The following KCNJ6 variants were observed in gnomAD, a reference collection of about 807,000 sequenced individuals.
The protein encoded by KCNJ6 is potassium inwardly rectifying channel subfamily J member 6, also known as G protein-activated inward rectifier potassium channel 2.
A neutral mutation model predicts 34.2 loss-of-function variants in KCNJ6; 9 were observed. The observed-to-expected ratio is 0.26, with a 90% CI of 0.16 to 0.46. KCNJ6 has a LOEUF of 0.46. KCNJ6 is among the 20% of genes least tolerant of loss of function. The probability of loss-of-function intolerance (pLI) is 1.00; values close to 1 mark genes in which losing one functional copy is unlikely to be tolerated. For missense variants in KCNJ6, 236 were observed against 531.3 expected (o/e 0.44, Z 5.46); for synonymous variants, 196 against 207.1 (o/e 0.95, Z 0.46).
At chr21:37,889,888 CT>C (rs1355951998) in intron 1 of KCNJ6, among the ~76,000 whole-genome samples, 2 of 152,222 alleles carry the variant, frequency 1.3e-5, no homozygotes, top group Admixed American at 1.3e-4. Context: ...TGCACAAACC[CT>C]ATTTCCAGGT....
chr21:37,800,652 T>C (rs2835967), intron 2 of KCNJ6, among the ~76,000 whole-genome samples: 75,775 of 151,990 alleles, frequency 0.5, 19,273 homozygotes, highest in Middle Eastern at 0.55. Context: ...CTTTATTTCC[T>C]GAAGGGCCGC....
intron 3 of KCNJ6, among the ~76,000 whole-genome samples, chr21:37,642,601 G>A (rs1342071492): frequency 6.6e-6 from 1 of 152,034 alleles, no homozygotes; most frequent in East Asian, 1.9e-4. Flanking sequence ...ATCTGACCCC[G>A]AAGATAGGGG....
At chr21:37,785,658 A>G (rs1194355680) in intron 2 of KCNJ6, among the ~76,000 whole-genome samples, 1 of 152,202 alleles carries the variant, frequency 6.6e-6, no homozygotes. Context: ...CTAATCTCCA[A>G]AACAAGTCTT....
chr21:37,680,503 C>T (rs755973299), intron 3 of KCNJ6, among the ~76,000 whole-genome samples: 2 of 152,202 alleles, frequency 1.3e-5, no homozygotes, highest in Non-Finnish European at 2.9e-5. Context: ...GTTAAACAAC[C>T]TTCTAGATAC....
At chr21:37,626,261 G>T (rs1182818478) in intron 3 of KCNJ6, among the ~76,000 whole-genome samples, 1 of 151,880 alleles carries the variant, frequency 6.6e-6, no homozygotes, top group Non-Finnish European at 1.5e-5. Flanking sequence ...CTTCTGAGCA[G>T]CTGGGACTAC....
At position 37,722,934 on chromosome 21, in the gene KCNJ6, G is replaced by A. The variant is rs192920018; in HGVS notation, c.26-7803C>T. On this transcript the variant is annotated intron_variant, in intron 2 of 3. Coordinates refer to ENST00000609713, the MANE Select transcript of KCNJ6 (RefSeq NM_002240.5). ...ATTGCAACAAGTCAAAAGTTGATAC[G>A]CAGGCCCTAATTAAACTAAAGAGCC... Among the ~76,000 whole-genome samples the A allele has an allele frequency of 3.7e-4, 56 of 152,184 alleles. 1 individual carries two copies. The highest frequency in any genetic ancestry group is 1.6e-3 in the Admixed American group (25 of 15,292).
intron 3 of KCNJ6, among the ~76,000 whole-genome samples, chr21:37,704,562 A>G (rs189619213): frequency 1.1e-4 from 16 of 152,254 alleles, no homozygotes; most frequent in Non-Finnish European, 1.9e-4. Context: ...TAATATTTAC[A>G]CTATATAAAA....
chr21:37,839,602 G>A (rs897976931), intron 2 of KCNJ6, among the ~76,000 whole-genome samples: 2 of 152,084 alleles, frequency 1.3e-5, no homozygotes, highest in African/African-American at 4.8e-5. Context: ...TTAATAAGGT[G>A]TTCATGGAGA....
intron 2 of KCNJ6, among the ~76,000 whole-genome samples, chr21:37,729,334 T>TGG (rs57813800): frequency 1.4e-4 from 19 of 132,288 alleles, no homozygotes; most frequent in Admixed American, 8.1e-4. Flanking sequence ...TTCTTCTTTT[T>TGG]GGGGGGGGGG....
chr21:37,622,397 C>T lies in KCNJ6; in HGVS notation c.*2762G>A, dbSNP rs1386606242. 6.6e-6 allele frequency: 1 copy of T among 152,204 alleles called. No individual in the cohort carries two copies. Among genetic ancestry groups the T allele is most frequent in the Non-Finnish European group, 1.5e-5 (1 of 68,042 alleles). 9.4% of individuals were successfully genotyped at this position (152,204 alleles called of 1,614,324 possible). The stretch of plus-strand genomic sequence containing the variant: ...AATGGAAAACACCATTCACTCACTA[C>T]TCGCTGCTTAGAAAATCAGTCTCAA... On this transcript the variant is annotated 3_prime_UTR_variant, in exon 4 of 4. Transcript: ENST00000609713.
At chr21:37,681,576 TTC>T (rs2054590859) in intron 3 of KCNJ6, among the ~76,000 whole-genome samples, 1 of 151,164 alleles carries the variant, frequency 6.6e-6, no homozygotes, top group Admixed American at 6.6e-5. Flanking sequence ...GCTTGTTGGT[TTC>T]ACTCGGATCT....
intron 3 of KCNJ6, among the ~76,000 whole-genome samples, chr21:37,641,784 G>A (rs1214912113): frequency 1.3e-5 from 2 of 152,194 alleles, no homozygotes; most frequent in Non-Finnish European, 2.9e-5. Flanking sequence ...GGAGGACAAA[G>A]TAAGCAGATG....
intron 2 of KCNJ6, among the ~76,000 whole-genome samples, chr21:37,832,604 G>GTCA (rs1016330156): frequency 6.6e-6 from 1 of 152,122 alleles, no homozygotes; most frequent in African/African-American, 2.4e-5. Flanking sequence ...GCATGGGGCA[G>GTCA]TCATCTGCTC....
intron 2 of KCNJ6, among the ~76,000 whole-genome samples, chr21:37,777,488 A>G (rs1435468631): frequency 1.3e-5 from 2 of 151,956 alleles, no homozygotes; most frequent in African/African-American, 2.4e-5. Context: ...CTGAATTCCT[A>G]TGTTTACTAT....
At chr21:37,724,058 G>C (rs1248286892) in intron 2 of KCNJ6, among the ~76,000 whole-genome samples, 1 of 152,120 alleles carries the variant, frequency 6.6e-6, no homozygotes, top group African/African-American at 2.4e-5. Flanking sequence ...GAAATGAAGG[G>C]GAATGGGAAA....
chr21:37,847,976 G>C (rs1051167172), intron 1 of KCNJ6, among the ~76,000 whole-genome samples: 1 of 152,180 alleles, frequency 6.6e-6, no homozygotes, highest in Non-Finnish European at 1.5e-5. Flanking sequence ...GGAAAGGTGG[G>C]GAAGCTTGGT....
At chr21:37,652,236 A>G (rs2054437107) in intron 3 of KCNJ6, among the ~76,000 whole-genome samples, 2 of 152,236 alleles carry the variant, frequency 1.3e-5, no homozygotes, top group South Asian at 4.1e-4. Context: ...AACAGTGGTC[A>G]ACATCAAAAA....
At chr21:37,637,018 C>T (rs2054361012) in intron 3 of KCNJ6, among the ~76,000 whole-genome samples, 1 of 152,196 alleles carries the variant, frequency 6.6e-6, no homozygotes, top group African/African-American at 2.4e-5. Flanking sequence ...TTATTTCAAA[C>T]ACCAGGCTAC....
chr21:37,876,754 C>T (rs1466273513), intron 1 of KCNJ6, among the ~76,000 whole-genome samples: 1 of 151,944 alleles, frequency 6.6e-6, no homozygotes, highest in African/African-American at 2.4e-5. Context: ...GCTGGAAAAC[C>T]CAGCAACAAT....
Sources: allele counts gnomAD v4.1 joint callset (sites outside exome capture counted in the v4.1 genomes callset), GRCh38; gene constraint gnomAD v4.1.1; transcripts MANE v1.5; gene names NCBI Gene and HGNC (gene_info 2026-07-23, HGNC 2026-07-21).